Variants in SLIT3 observed in about 807,000 individuals in gnomAD.
SLIT3 encodes the protein slit guidance ligand 3.
In SLIT3, 68 loss-of-function variants were observed where a neutral mutation model predicts 184.0. The observed-to-expected ratio is 0.37, with a 90% CI of 0.30 to 0.45. The LOEUF is 0.45. Among genes scored for constraint, SLIT3 ranks in the 20% least tolerant of loss-of-function variants. The pLI, the probability that SLIT3 is intolerant of heterozygous loss-of-function variation, is 1.00. For synonymous variants in SLIT3, 831 were observed against 828.6 expected, an observed-to-expected ratio of 1.00 and a Z score of -0.05; for missense variants, 1,707 against 2,026.0, an observed-to-expected ratio of 0.84 and a Z score of 3.02.
At chr5:169,221,265 T>A (rs1416750699) in intron 3 of SLIT3, among the ~76,000 whole-genome samples, 9 of 152,218 alleles carry the variant, frequency 5.9e-5, no homozygotes, top group Non-Finnish European at 1.2e-4. Context: ...GAAGAAAATC[T>A]CATGATTCCA....
intron 3 of SLIT3, among the ~76,000 whole-genome samples, chr5:169,230,097 T>C (rs115819745): frequency 0.013 from 1,946 of 152,314 alleles, 22 homozygotes; most frequent in Non-Finnish European, 0.021. Flanking sequence ...ACATGTCTTG[T>C]TTCTAGGAGC....
chr5:169,118,818 G>A (rs1760780978), intron 4 of SLIT3, among the ~76,000 whole-genome samples: 1 of 152,158 alleles, frequency 6.6e-6, no homozygotes, highest in South Asian at 2.1e-4. Context: ...TGGCACTGAT[G>A]GTATTCTTTC....
At position 168,856,619 on chromosome 5, in the gene SLIT3, G is replaced by A. The variant is rs114683741; in HGVS notation, c.486-11964C>T. ...ACTTGATGGAAGGAGAAAAATCACC[G>A]CTAGGCTCCCAAGTCCAGCATAAAA... On this transcript the variant is annotated intron_variant, in intron 5 of 35. Coordinates refer to ENST00000519560, the MANE Select transcript of SLIT3 (RefSeq NM_003062.4). Among the ~76,000 whole-genome samples, 1,291 of 152,202 alleles carry A rather than the reference G, an allele frequency of 8.5e-3. 22 individuals are homozygous for A. The highest frequency in any genetic ancestry group is 0.029 in the African/African-American group (1,222 of 41,514).
chr5:169,008,375 A>G (rs1290716120), intron 4 of SLIT3, among the ~76,000 whole-genome samples: 1 of 152,150 alleles, frequency 6.6e-6, no homozygotes, highest in Non-Finnish European at 1.5e-5. Context: ...TTCCCTAGCC[A>G]TGACGGGCCT....
intron 4 of SLIT3, among the ~76,000 whole-genome samples, chr5:169,136,546 C>T (rs1015728304): frequency 6.6e-6 from 1 of 152,156 alleles, no homozygotes; most frequent in Non-Finnish European, 1.5e-5. Flanking sequence ...AACAATAGTC[C>T]CGTCGTGGGT....
chr5:168,751,603 C>A (rs1754714388), intron 18 of SLIT3, among the ~76,000 whole-genome samples: 1 of 152,134 alleles, frequency 6.6e-6, no homozygotes, highest in Admixed American at 6.5e-5. Flanking sequence ...AGAGTCTTAC[C>A]CATTATTCCA....
intron 5 of SLIT3, among the ~76,000 whole-genome samples, chr5:168,856,624 G>A (rs1165698869): frequency 6.6e-6 from 1 of 152,064 alleles, no homozygotes; most frequent in African/African-American, 2.4e-5. Context: ...TCACCGCTAG[G>A]CTCCCAAGTC....
At chr5:168,910,794 T>G (rs1037818151) in intron 4 of SLIT3, among the ~76,000 whole-genome samples, 13 of 151,292 alleles carry the variant, frequency 8.6e-5, no homozygotes, top group Admixed American at 3.9e-4. Context: ...AATTGCAAAG[T>G]GAGATGGTAA....
chr5:168,772,699 T>C (rs1581064824), intron 14 of SLIT3, 82 bp downstream of exon 14: 3 of 1,493,778 alleles, frequency 2.0e-6, no homozygotes, highest in African/African-American at 2.8e-5. Flanking sequence ...GTGCTCGCTG[T>C]CCTCCAGATT....
At chr5:168,839,627 T>C (rs959656190) in intron 6 of SLIT3, among the ~76,000 whole-genome samples, 1 of 152,246 alleles carries the variant, frequency 6.6e-6, no homozygotes, top group African/African-American at 2.4e-5. Context: ...TGGTGTGTGG[T>C]CTAGTTTGTA....
chr5:168,744,245 C>T (rs530531370), intron 20 of SLIT3, among the ~76,000 whole-genome samples: 12 of 152,260 alleles, frequency 7.9e-5, no homozygotes, highest in Admixed American at 5.9e-4. Flanking sequence ...GCCGAGATTG[C>T]GCCACGGCAC....
chr5:168,948,083 T>C (rs768548274), intron 4 of SLIT3, among the ~76,000 whole-genome samples: 10 of 152,040 alleles, frequency 6.6e-5, no homozygotes, highest in Non-Finnish European at 1.3e-4. Context: ...TGAGCCACCA[T>C]GCCTGGCCAA....
At chr5:168,913,660 G>A (rs955919877) in intron 4 of SLIT3, among the ~76,000 whole-genome samples, 82 of 149,870 alleles carry the variant, frequency 5.5e-4, no homozygotes, top group African/African-American at 2.0e-3. Flanking sequence ...GAGATCGCTT[G>A]AACCTGGGAG....
In SLIT3 at chr5:168,969,075, G is replaced by A. The variant is rs75046469; in HGVS notation, c.414-85739C>T. ...TTCCCCCGCAAGATACACCAAACTT[G>A]AAGTAATAATAATAATTAATCATTT... On this transcript the variant is annotated intron_variant, in intron 4 of 35. Coordinates refer to ENST00000519560, the MANE Select transcript of SLIT3 (RefSeq NM_003062.4). Among the ~76,000 whole-genome samples the A allele has an allele frequency of 7.8e-3, 1,195 of 152,236 alleles. 12 individuals are homozygous for A. Among genetic ancestry groups the A allele is most frequent in the African/African-American group, 0.028 (1,147 of 41,538 alleles).
In SLIT3 at chr5:169,085,283, T is replaced by C. The variant is rs573591201; in HGVS notation, c.413+108196A>G. On this transcript the variant is annotated intron_variant, in intron 4 of 35. Coordinates refer to ENST00000519560, the MANE Select transcript of SLIT3 (RefSeq NM_003062.4). Reference sequence around the variant, plus strand: ...CTGAGTTATAAAGAATGAGAACGGCTGGTCCAATTTCTTTGTGGAGCAGCC... The same window carrying C: ...CTGAGTTATAAAGAATGAGAACGGCCGGTCCAATTTCTTTGTGGAGCAGCC... 2.6e-5 allele frequency among the ~76,000 whole-genome samples: 4 copies of C among 152,332 alleles called. No individual in the cohort carries two copies. The South Asian group carries it at 8.3e-4, about 32-fold the overall frequency.
chr5:169,058,383 T>G (rs1181486704), intron 4 of SLIT3, among the ~76,000 whole-genome samples: 1 of 152,104 alleles, frequency 6.6e-6, no homozygotes, highest in Non-Finnish European at 1.5e-5. Context: ...TGGTTTCCAT[T>G]GGAAAGGCTT....
intron 25 of SLIT3, among the ~76,000 whole-genome samples, chr5:168,709,392 G>T (rs556727306): frequency 6.6e-6 from 1 of 152,104 alleles, no homozygotes; most frequent in African/African-American, 2.4e-5. Context: ...CACCGTGCCC[G>T]GACCCTGGCT....
At chr5:168,933,799 G>A (rs1762070615) in intron 4 of SLIT3, among the ~76,000 whole-genome samples, 1 of 152,106 alleles carries the variant, frequency 6.6e-6, no homozygotes, top group Admixed American at 6.6e-5. Context: ...GATTTTTATT[G>A]AATAAGCAAT....
Position 168,929,006 on chromosome 5 carries a change from A to G in SLIT3, c.414-45670T>C, listed in dbSNP as rs116813081. Among the ~76,000 whole-genome samples the G allele has an allele frequency of 9.6e-3, 1,456 of 152,318 alleles. 20 individuals are homozygous for G. Among genetic ancestry groups the G allele is most frequent in the African/African-American group, 0.033 (1,382 of 41,574 alleles). ...TAATTATTCATAAAAATGTTAAGTA[A>G]TAACGATGATAATATAATAGCCAGT... is the stretch of plus-strand genomic sequence containing the variant. On this transcript the variant is annotated intron_variant, in intron 4 of 35. Transcript: ENST00000519560.
Sources: allele counts gnomAD v4.1 joint callset (sites outside exome capture counted in the v4.1 genomes callset), GRCh38; gene constraint gnomAD v4.1.1; transcripts MANE v1.5; gene names NCBI Gene and HGNC (gene_info 2026-07-23, HGNC 2026-07-21).